EVL: variants seen among roughly 807,000 people sequenced by gnomAD.
EVL encodes the protein Enah/Vasp-like.
A neutral mutation model predicts 59.6 loss-of-function variants in EVL; 21 were observed. That is an observed-to-expected ratio of 0.35 (90% CI 0.25 to 0.51). EVL has a LOEUF of 0.51. EVL is among the 20% of genes least tolerant of loss of function. The pLI, the probability that EVL is intolerant of heterozygous loss-of-function variation, is 0.97. For synonymous variants in EVL, 198 were observed against 203.5 expected, an observed-to-expected ratio of 0.97 and a Z score of 0.23; for missense variants, 462 against 546.6, an observed-to-expected ratio of 0.85 and a Z score of 1.54.
At chr14:100,121,268 A>G (rs572061517) in intron 3 of EVL, among the ~76,000 whole-genome samples, 2 of 152,266 alleles carry the variant, frequency 1.3e-5, no homozygotes, top group East Asian at 1.9e-4. Flanking sequence ...GTCTGCAGCA[A>G]TGACCTTCCC....
At chr14:100,017,805 G>A (rs1372162839) in intron 1 of EVL, among the ~76,000 whole-genome samples, 1 of 152,184 alleles carries the variant, frequency 6.6e-6, no homozygotes, top group Non-Finnish European at 1.5e-5. Context: ...ATTGCTGTGT[G>A]GTTTGGGGGA....
intron 1 of EVL, among the ~76,000 whole-genome samples, chr14:100,077,829 A>G (rs767273806): frequency 2.0e-5 from 3 of 152,000 alleles, no homozygotes; most frequent in Non-Finnish European, 2.9e-5. Context: ...CTAGAGTGCA[A>G]TGGCGCAATC....
chr14:100,027,093 T>C (rs2061226812), intron 1 of EVL, among the ~76,000 whole-genome samples: 2 of 152,208 alleles, frequency 1.3e-5, no homozygotes, highest in Admixed American at 6.5e-5. Flanking sequence ...AAACAAATTA[T>C]TTATTTATAA....
rs1385064476 is a variant in EVL, at chr14:100,127,413, AT to A, written c.487+643del. Among the ~76,000 whole-genome samples the A allele has an allele frequency of 2.6e-5, 4 of 152,170 alleles. No individual in the cohort carries two copies. Among genetic ancestry groups the A allele is most frequent in the Non-Finnish European group, 5.9e-5 (4 of 68,030 alleles). Reference sequence around the variant, plus strand: ...CAGGTGACTATTATCCTGTTGACTGATGAGAAACCCGAGCCCCCACTGGTTA... The same window carrying A: ...CAGGTGACTATTATCCTGTTGACTGAGAGAAACCCGAGCCCCCACTGGTTA... On this transcript the variant is annotated intron_variant, in intron 5 of 13. Transcript: ENST00000392920. The surrounding 1 kb of genome is among the most constrained non-coding windows in gnomAD (Gnocchi z 4.2).
chr14:100,133,416 G>T (rs1367961611), intron 8 of EVL, among the ~76,000 whole-genome samples: 2 of 152,238 alleles, frequency 1.3e-5, no homozygotes, highest in Non-Finnish European at 2.9e-5. Context: ...TGCCTTGAAG[G>T]TTCCACCTCA....
chr14:100,064,480 A>G (rs1048005604), upstream of EVL, among the ~76,000 whole-genome samples: 7 of 152,256 alleles, frequency 4.6e-5, no homozygotes, highest in African/African-American at 1.7e-4. Context: ...CACTTAATAA[A>G]CAAGTGACAA....
chr14:100,005,256 T>C (rs1008559873), intron 1 of EVL, among the ~76,000 whole-genome samples: 8 of 152,220 alleles, frequency 5.3e-5, no homozygotes, highest in African/African-American at 1.9e-4. Flanking sequence ...ACAAACCTCC[T>C]TACTGCCTGT....
chr14:100,065,223 G>T (rs1024961466), upstream of EVL: 2 of 208,922 alleles, frequency 9.6e-6, no homozygotes, highest in African/African-American at 2.3e-5. Context: ...TGCCAGCTGT[G>T]GGGGGTTGGG....
At chr14:100,006,811 CAA>C (rs56007744) in intron 1 of EVL, among the ~76,000 whole-genome samples, 31 of 127,790 alleles carry the variant, frequency 2.4e-4, no homozygotes, top group Admixed American at 5.6e-4. Flanking sequence ...AGTAAAACAT[CAA>C]AAAAAAAAAA....
At chr14:99,987,905 ATTTTTTTTT>A (rs774580760) in intron 1 of EVL, among the ~76,000 whole-genome samples, 1 of 103,820 alleles carries the variant, frequency 9.6e-6, no homozygotes, top group East Asian at 3.5e-4. Flanking sequence ...AGACAACCCA[ATTTTTTTTT>A]TTTTTTTTTT....
At chr14:99,982,537 T>C (rs2060814044) in intron 1 of EVL, among the ~76,000 whole-genome samples, 1 of 152,080 alleles carries the variant, frequency 6.6e-6, no homozygotes, top group South Asian at 2.1e-4. Context: ...GGAAGGACTT[T>C]GGAAAGGAAT....
intron 1 of EVL, among the ~76,000 whole-genome samples, chr14:100,005,630 TACACACACACAC>T (rs35844160): frequency 3.0e-4 from 43 of 143,750 alleles, no homozygotes; most frequent in East Asian, 2.3e-3. Flanking sequence ...GCCTTTTAAA[TACACACACACAC>T]ACACACACAC....
chr14:100,113,283 C>T (rs1251556796), intron 3 of EVL, among the ~76,000 whole-genome samples: 9 of 152,214 alleles, frequency 5.9e-5, no homozygotes, highest in East Asian at 1.9e-4. Context: ...AGGCTTTGAG[C>T]GTAACATCCC....
rs947659012 is a variant in EVL at position 100,127,813 on chromosome 14, C to T, written c.488-706C>T. On this transcript the variant is annotated intron_variant, in intron 5 of 13. Coordinates refer to ENST00000392920, the MANE Select transcript of EVL (RefSeq NM_016337.3). The surrounding 1 kb of genome is among the most constrained non-coding windows in gnomAD (Gnocchi z 4.2). ...GCCAACATGGCGCCGTGTGCCTGCC[C>T]TTGGTAACACTTGTCAGCTTGCCAC... Among the ~76,000 whole-genome samples the T allele has an allele frequency of 6.6e-6, 1 of 152,244 alleles. No homozygotes were observed. Among genetic ancestry groups the T allele is most frequent in the Non-Finnish European group, 1.5e-5 (1 of 68,046 alleles).
intron 1 of EVL, among the ~76,000 whole-genome samples, chr14:99,998,978 A>G (rs1158967470): frequency 5.3e-5 from 8 of 151,966 alleles, no homozygotes; most frequent in East Asian, 3.8e-4. Flanking sequence ...TACTGTCTAT[A>G]CTTTTATATT....
chr14:100,047,812 G>T (rs1021869425), intron 1 of EVL, among the ~76,000 whole-genome samples: 1 of 152,138 alleles, frequency 6.6e-6, no homozygotes, highest in Non-Finnish European at 1.5e-5. Context: ...TCCAGAAATA[G>T]GTCCCGACAA....
intron 1 of EVL, among the ~76,000 whole-genome samples, chr14:100,027,965 G>C (rs1346169168): frequency 6.6e-6 from 1 of 152,132 alleles, no homozygotes; most frequent in Non-Finnish European, 1.5e-5. Context: ...ATGAGCCACC[G>C]CACCCAGACT....
intron 4 of EVL, among the ~76,000 whole-genome samples, chr14:100,123,913 C>G (rs550680140): frequency 6.6e-6 from 1 of 152,354 alleles, no homozygotes; most frequent in East Asian, 1.9e-4. Context: ...TGTTGCCTCA[C>G]TTGCCCTTCC....
intron 2 of EVL, among the ~76,000 whole-genome samples, chr14:100,086,405 C>G (rs1024814027): frequency 1.3e-5 from 2 of 152,200 alleles, no homozygotes; most frequent in Non-Finnish European, 2.9e-5. Context: ...AGGGCAATAC[C>G]TCCATGTCTT....
Sources: gnomAD v4.1 joint callset for allele counts (sites outside exome capture counted in the v4.1 genomes callset) on GRCh38, gnomAD v4.1.1 for gene constraint, Gnocchi (gnomAD v3.1) non-coding constraint, MANE v1.5 for transcripts, NCBI Gene and HGNC (gene_info 2026-07-23, HGNC 2026-07-21) for gene names.